The following TRRAP variants were observed in gnomAD, a reference collection of about 807,000 sequenced individuals.
The protein encoded by TRRAP is transformation/transcription domain associated protein.
A neutral mutation model predicts 438.8 loss-of-function variants in TRRAP; 41 were observed. The ratio of observed to expected loss-of-function variants is 0.09; its 90% CI spans 0.07 to 0.12. The LOEUF is 0.12. Among genes scored for constraint, TRRAP ranks in the 10% least tolerant of loss-of-function variants. The pLI, the probability that TRRAP is intolerant of heterozygous loss-of-function variation, is 1.00. For synonymous variants in TRRAP, 1,994 were observed against 1,962.9 expected, an observed-to-expected ratio of 1.02 and a Z score of -0.42; for missense variants, 3,122 against 5,055.1, an observed-to-expected ratio of 0.62 and a Z score of 11.60.
rs1012016708 is a variant in TRRAP, at chr7:98,922,436, C to A, written c.2823+483C>A. 2.6e-5 allele frequency among the ~76,000 whole-genome samples: 4 copies of A among 152,276 alleles called. 1 individual carries two copies. Among genetic ancestry groups the A allele is most frequent in the Admixed American group, 1.3e-4 (2 of 15,290 alleles). On this transcript the variant is annotated intron_variant, in intron 21 of 72. Coordinates refer to ENST00000456197, the MANE Select transcript of TRRAP (RefSeq NM_001375524.1). ...CTGTGTAAAAAGCAGACAGTGCCCC[C>A]GCACCCTGCTGGAGTGTCCTGCCTG... is the stretch of plus-strand genomic sequence containing the variant.
At chr7:98,943,905 G>A (rs1162283365) in intron 31 of TRRAP, among the ~76,000 whole-genome samples, 3 of 152,082 alleles carry the variant, frequency 2.0e-5, no homozygotes, top group African/African-American at 7.2e-5. Flanking sequence ...ATCCTAACTT[G>A]GATTTTTCTT....
At chr7:98,938,649 G>A (rs1554414849) in intron 30 of TRRAP, among the ~76,000 whole-genome samples, 1 of 152,192 alleles carries the variant, frequency 6.6e-6, no homozygotes, top group East Asian at 1.9e-4. Context: ...TATGGCTGCA[G>A]AATACCTCAT....
chr7:98,990,686 T>C (rs1218035710), intron 64 of TRRAP, 67 bp downstream of exon 64: 11 of 1,519,400 alleles, frequency 7.2e-6, no homozygotes, highest in Non-Finnish European at 8.9e-6. Context: ...CGTTCTTTTT[T>C]CTCCCAGAAA....
chr7:98,971,261 C>T (rs1346268347), intron 52 of TRRAP, among the ~76,000 whole-genome samples: 2 of 152,166 alleles, frequency 1.3e-5, no homozygotes, highest in Non-Finnish European at 2.9e-5. Context: ...TGAAGTTCTT[C>T]ATTTTCAAGG....
intron 44 of TRRAP, among the ~76,000 whole-genome samples, 173 bp downstream of exon 44, chr7:98,958,264 A>G (rs1257794424): frequency 2.6e-5 from 4 of 151,744 alleles, no homozygotes; most frequent in African/African-American, 2.4e-5. Context: ...GCAGGTTAAC[A>G]TTTCCAAAAT....
chr7:98,931,005 C>T (rs927224729), intron 25 of TRRAP, among the ~76,000 whole-genome samples, 175 bp downstream of exon 25: 6 of 152,210 alleles, frequency 3.9e-5, no homozygotes, highest in Non-Finnish European at 8.8e-5. Context: ...CATAGGCCTT[C>T]TGTGGGTATC....
chr7:98,891,226 T>C (rs1188253653), intron 4 of TRRAP, among the ~76,000 whole-genome samples: 3 of 140,124 alleles, frequency 2.1e-5, no homozygotes, highest in African/African-American at 7.8e-5. Flanking sequence ...TTTTTTTTTT[T>C]TGGGAGACGG....
At position 98,931,484 on chromosome 7, in the gene TRRAP, A is replaced by C; in HGVS notation, c.3671A>C (p.Glu1224Ala). The change falls in exon 26 of 73, where the codon GAG becomes GCG. Residue 1224 changes from glutamate (E) to alanine (A), a missense_variant. Around this residue, in one of 24 missense-constraint regions of TRRAP, gnomAD observed 153 missense variants for 223.0 expected, o/e 0.69. Coordinates refer to ENST00000456197, the MANE Select transcript of TRRAP (RefSeq NM_001375524.1). ...LMRCATPLKDEERAEEIVAAQ... is the reference protein window; with the variant it reads ...LMRCATPLKDAERAEEIVAAQ... ...CGGTGCGCAACGCCTTTAAAAGACGAGGAGAGAGCCGAAGAGATCGTGGCC... is the reference window on the plus strand; with the variant it reads ...CGGTGCGCAACGCCTTTAAAAGACGCGGAGAGAGCCGAAGAGATCGTGGCC... 2 of 1,614,116 alleles carry C rather than the reference A, an allele frequency of 1.2e-6. No homozygotes were observed. The highest frequency in any genetic ancestry group is 1.7e-6 in the Non-Finnish European group (2 of 1,179,980).
At chr7:98,982,039 G>A in intron 59 of TRRAP, 79 bp downstream of exon 59, 1 of 1,348,028 alleles carries the variant, frequency 7.4e-7, no homozygotes, top group East Asian at 2.9e-5. Context: ...TAGGTCTGCA[G>A]ACTGCTCCGG....
intron 14 of TRRAP, 99 bp downstream of exon 14, chr7:98,909,061 T>C: frequency 1.7e-6 from 2 of 1,171,040 alleles, no homozygotes; most frequent in Non-Finnish European, 2.4e-6. Flanking sequence ...CCTTGTTCTG[T>C]TGCCTAGGCT....
In TRRAP at chr7:98,951,604, G is replaced by C. The variant is rs140890633; in HGVS notation, c.5463+600G>C. On this transcript the variant is annotated intron_variant, in intron 39 of 72. Coordinates refer to ENST00000456197, the MANE Select transcript of TRRAP (RefSeq NM_001375524.1). ...CACTGTTAAAGGCCGTGTTTGCCCT[G>C]AGATTCTCACACTGAGTGTTTGTTG... Among the ~76,000 whole-genome samples the C allele has an allele frequency of 1.3e-3, 203 of 152,322 alleles. 1 individual carries two copies. Among genetic ancestry groups the C allele is most frequent in the African/African-American group, 4.7e-3 (195 of 41,570 alleles).
intron 53 of TRRAP, among the ~76,000 whole-genome samples, chr7:98,973,834 C>T (rs1218891226): frequency 6.6e-6 from 1 of 152,216 alleles, no homozygotes; most frequent in East Asian, 1.9e-4. Flanking sequence ...GTGTGCCGCC[C>T]ACTTGCTGCA....
chr7:98,916,754 C>G (rs1934877381), intron 19 of TRRAP, among the ~76,000 whole-genome samples: 1 of 152,174 alleles, frequency 6.6e-6, no homozygotes, highest in South Asian at 2.1e-4. Context: ...TTCAAGCTGA[C>G]CCTGTGCTGG....
In TRRAP at chr7:98,999,676, G is replaced by T. The variant is rs558063809; in HGVS notation, c.10310-4514G>T. Reference sequence around the variant, plus strand: ...AAGTGTGAATGAAGGTGGGAAGGAGGATGGATAATCTGGTGGCAGTTCAGA... The same window carrying T: ...AAGTGTGAATGAAGGTGGGAAGGAGTATGGATAATCTGGTGGCAGTTCAGA... On this transcript the variant is annotated intron_variant, in intron 67 of 72. Coordinates refer to ENST00000456197, the MANE Select transcript of TRRAP (RefSeq NM_001375524.1). The T allele has an allele frequency of 5.4e-5, 50 of 920,182 alleles. 1 individual carries two copies. The highest frequency in any genetic ancestry group is 5.1e-4 in the South Asian group (37 of 71,930). 57.0% of individuals were successfully genotyped at this position (920,182 alleles called of 1,614,324 possible). A position where few individuals can be genotyped will look rare whatever the true frequency, so the allele number is the denominator to read the frequency against.
intron 3 of TRRAP, among the ~76,000 whole-genome samples, chr7:98,884,109 G>C (rs1470264200): frequency 6.6e-6 from 1 of 152,168 alleles, no homozygotes; most frequent in African/African-American, 2.4e-5. Context: ...CTAGGACATG[G>C]TCTAGCTGGA....
At chr7:98,983,758 A>T (rs1219562607) in intron 60 of TRRAP, among the ~76,000 whole-genome samples, 3 of 152,160 alleles carry the variant, frequency 2.0e-5, no homozygotes, top group Non-Finnish European at 4.4e-5. Context: ...TGAAGGTCCC[A>T]TCCCAGGACG....
At chr7:98,902,211 G>A (rs901282891) in intron 11 of TRRAP, among the ~76,000 whole-genome samples, 3 of 152,222 alleles carry the variant, frequency 2.0e-5, no homozygotes, top group African/African-American at 7.2e-5. Context: ...AATTTAAAAG[G>A]CGTTATCAGT....
intron 39 of TRRAP, among the ~76,000 whole-genome samples, chr7:98,951,915 C>G (rs1166203821): frequency 6.6e-6 from 1 of 152,120 alleles, no homozygotes; most frequent in Non-Finnish European, 1.5e-5. Flanking sequence ...CCTTTGTTAC[C>G]TTCTCCAGGC....
chr7:98,973,842 G>A (rs1053677758), intron 53 of TRRAP, among the ~76,000 whole-genome samples: 1 of 152,210 alleles, frequency 6.6e-6, no homozygotes, highest in Non-Finnish European at 1.5e-5. Context: ...CCCACTTGCT[G>A]CATGTCCTTG....
Sources: gnomAD v4.1 joint callset for allele counts (sites outside exome capture counted in the v4.1 genomes callset) on GRCh38, gnomAD v4.1.1 for gene constraint, gnomAD v4.1.1 regional missense constraint, MANE v1.5 for transcripts, NCBI Gene and HGNC (gene_info 2026-07-23, HGNC 2026-07-21) for gene names.